Variants in TBC1D5 observed in about 807,000 individuals in gnomAD.
The protein encoded by TBC1D5 is TBC1 domain family, member 5.
In TBC1D5, 75 loss-of-function variants were observed where a neutral mutation model predicts 100.3. That is an observed-to-expected ratio of 0.75 (90% CI 0.62 to 0.91). The LOEUF (loss-of-function observed/expected upper bound fraction) is 0.91, where lower values mean the gene tolerates loss of function less well. Ranked by LOEUF, TBC1D5 falls within the 40% of genes least tolerant of loss-of-function variation. The pLI, the probability that TBC1D5 is intolerant of heterozygous loss-of-function variation, is 0.00. For missense variants in TBC1D5, 910 were observed against 942.4 expected (o/e 0.97, Z 0.45); for synonymous variants, 323 against 325.6 (o/e 0.99, Z 0.09).
chr3:17,250,676 A>G (rs1264864695), intron 16 of TBC1D5, among the ~76,000 whole-genome samples: 1 of 152,228 alleles, frequency 6.6e-6, no homozygotes, highest in Non-Finnish European at 1.5e-5. Context: ...CTCACTATTC[A>G]GTCTGTTCAA....
Position 17,238,151 on chromosome 3 carries a change from A to AT in TBC1D5, c.1588+11dup, listed in dbSNP as rs771130724. The AT allele has an allele frequency of 2.5e-6, 4 of 1,609,014 alleles. No homozygotes were observed. Among genetic ancestry groups the AT allele is most frequent in the Non-Finnish European group, 3.4e-6 (4 of 1,177,272 alleles). On this transcript the variant is annotated intron_variant, in intron 17 of 21. Coordinates refer to ENST00000253692, the Ensembl canonical transcript of TBC1D5. ...GAATGTTTTCTTTAGATTTACTAGT[A>AT]TTTTTTCCTACCTTTGTTCAATTGC...
chr3:17,642,569 CAACT>C (rs768300587), intron 1 of TBC1D5, among the ~76,000 whole-genome samples: 2 of 152,128 alleles, frequency 1.3e-5, no homozygotes, highest in Non-Finnish European at 2.9e-5. Flanking sequence ...ACATACTCGT[CAACT>C]AACTACAGTG....
intron 2 of TBC1D5, among the ~76,000 whole-genome samples, chr3:17,544,670 A>AAAAAAAAAAAAAAC (rs2096396912): frequency 6.6e-6 from 1 of 151,010 alleles, no homozygotes; most frequent in African/African-American, 2.4e-5. Flanking sequence ...AAAAAAAAGC[A>AAAAAAAAAAAAAAC]CCTTAAGAAC....
At chr3:17,263,285 G>C (rs1055435145) in intron 15 of TBC1D5, among the ~76,000 whole-genome samples, 3 of 143,584 alleles carry the variant, frequency 2.1e-5, no homozygotes, top group Non-Finnish European at 4.5e-5. Flanking sequence ...AGAACAGCTT[G>C]AGTCTGGGAG....
intron 15 of TBC1D5, among the ~76,000 whole-genome samples, chr3:17,276,095 A>T (rs2149788898): frequency 6.6e-6 from 1 of 152,322 alleles, no homozygotes; most frequent in East Asian, 1.9e-4. Context: ...GTGGCTTATA[A>T]ACAGAACAAA....
Position 17,372,244 on chromosome 3 carries a change from T to TC in TBC1D5, c.825dup (p.Lys276GlufsTer12). ...GGAATGGGAGTCATCAGTGTTTCTTTCCCCTAAAAACAGAAAAATTGAACA... is the reference window on the plus strand; with the variant it reads ...GGAATGGGAGTCATCAGTGTTTCTTTCCCCCTAAAAACAGAAAAATTGAACA... On this transcript the variant is annotated frameshift_variant, in exon 13 of 22. Transcript: ENST00000253692. LOFTEE classifies it high-confidence loss of function. 6.2e-7 allele frequency: 1 copy of TC among 1,605,170 alleles called. No homozygotes were observed. Among genetic ancestry groups the TC allele is most frequent in the South Asian group, 1.1e-5 (1 of 89,166 alleles).
intron 19 of TBC1D5, among the ~76,000 whole-genome samples, chr3:17,172,708 A>G (rs1383208442): frequency 6.6e-6 from 1 of 152,264 alleles, no homozygotes; most frequent in African/African-American, 2.4e-5. Flanking sequence ...ATGTAGTGCC[A>G]CAAAAATAGA....
chr3:17,345,621 G>A (rs1365191293), intron 13 of TBC1D5, among the ~76,000 whole-genome samples: 4 of 151,502 alleles, frequency 2.6e-5, no homozygotes, highest in Non-Finnish European at 5.9e-5. Context: ...ACATGCACAC[G>A]TATGTTTATT....
chr3:17,257,021 T>G (rs2077768196), intron 16 of TBC1D5, among the ~76,000 whole-genome samples: 1 of 148,390 alleles, frequency 6.7e-6, no homozygotes, highest in Non-Finnish European at 1.5e-5. Context: ...AAGGAGAGAG[T>G]GGAAGGAGAT....
intron 3 of TBC1D5, among the ~76,000 whole-genome samples, chr3:17,433,098 T>C (rs2094472877): frequency 6.6e-6 from 1 of 151,544 alleles, no homozygotes; most frequent in Non-Finnish European, 1.5e-5. Flanking sequence ...GGTGGGAGTC[T>C]GGTACTTAGT....
chr3:17,158,404 A>G (rs2065769700), exon 22 of TBC1D5: 1 of 152,202 alleles, frequency 6.6e-6, no homozygotes, highest in Admixed American at 6.5e-5. Context: ...TGATAATATA[A>G]TAAAAAGGAG....
chr3:17,595,380 C>T (rs571100991), intron 2 of TBC1D5, among the ~76,000 whole-genome samples: 169 of 152,290 alleles, frequency 1.1e-3, no homozygotes, highest in Non-Finnish European at 1.9e-3. Context: ...TCTCTTCACA[C>T]ATCCAATAAC....
At chr3:17,683,138 T>G (rs553084325) in intron 1 of TBC1D5, among the ~76,000 whole-genome samples, 3 of 151,750 alleles carry the variant, frequency 2.0e-5, no homozygotes, top group Admixed American at 6.5e-5. Flanking sequence ...CTTGTCCTTT[T>G]TATGCACATG....
chr3:17,240,765 G>A (rs2149086589), intron 16 of TBC1D5, among the ~76,000 whole-genome samples: 1 of 152,124 alleles, frequency 6.6e-6, no homozygotes, highest in East Asian at 1.9e-4. Flanking sequence ...ATATGAAGAA[G>A]TTATAATGTT....
chr3:17,381,547 G>A (rs1386745073), intron 9 of TBC1D5, among the ~76,000 whole-genome samples: 2 of 152,088 alleles, frequency 1.3e-5, no homozygotes. Flanking sequence ...AACTAATGCA[G>A]CAGAACTATT....
At chr3:17,407,758 T>C (rs189989535) in intron 4 of TBC1D5, among the ~76,000 whole-genome samples, 3 of 152,262 alleles carry the variant, frequency 2.0e-5, no homozygotes, top group East Asian at 1.9e-4. Context: ...CCCAGTAGCG[T>C]TGTGATCCTC....
chr3:17,540,185 G>C (rs1021482920), intron 2 of TBC1D5, among the ~76,000 whole-genome samples: 1 of 152,154 alleles, frequency 6.6e-6, no homozygotes, highest in Admixed American at 6.5e-5. Flanking sequence ...AAACCAAGCT[G>C]TTTGTTTTGT....
intron 8 of TBC1D5, among the ~76,000 whole-genome samples, chr3:17,393,471 T>A (rs1035581098): frequency 2.6e-5 from 4 of 152,026 alleles, no homozygotes; most frequent in African/African-American, 9.7e-5. Flanking sequence ...TAGAAAAAAA[T>A]ACTTTAAATT....
chr3:17,644,620 C>G (rs999256286), intron 1 of TBC1D5, among the ~76,000 whole-genome samples: 2 of 152,116 alleles, frequency 1.3e-5, no homozygotes, highest in South Asian at 2.1e-4. Flanking sequence ...AAAAACTACA[C>G]ATTTTAATTA....
Sources: gnomAD v4.1 joint callset for allele counts (sites outside exome capture counted in the v4.1 genomes callset) on GRCh38, gnomAD v4.1.1 for gene constraint, MANE v1.5 for transcripts, NCBI Gene and HGNC (gene_info 2026-07-23, HGNC 2026-07-21) for gene names.